ARHGAP25: variants seen among roughly 807,000 people sequenced by gnomAD.
ARHGAP25 encodes rho GTPase-activating protein 25.
In ARHGAP25, 34 loss-of-function variants were observed where a neutral mutation model predicts 71.0. The observed-to-expected ratio is 0.48, with a 90% CI of 0.36 to 0.64. ARHGAP25 has a LOEUF of 0.64. Among genes scored for constraint, ARHGAP25 ranks in the 30% least tolerant of loss-of-function variants. The pLI, the probability that ARHGAP25 is intolerant of heterozygous loss-of-function variation, is 0.00. For missense variants in ARHGAP25, 706 were observed against 805.1 expected (o/e 0.88, Z 1.49); for synonymous variants, 282 against 296.5 (o/e 0.95, Z 0.50).
chr2:68,774,964 C>T (rs1169320683), intron 1 of ARHGAP25: 6 of 1,425,956 alleles, frequency 4.2e-6, no homozygotes, highest in Non-Finnish European at 4.6e-6. Flanking sequence ...GCCGCGGTGC[C>T]GGACTGCCTG....
chr2:68,777,414 G>T (rs969901941), intron 2 of ARHGAP25, among the ~76,000 whole-genome samples: 8 of 152,138 alleles, frequency 5.3e-5, no homozygotes, highest in Non-Finnish European at 1.0e-4. Flanking sequence ...TTTGTCACAG[G>T]ATCAAATGAT....
At chr2:68,791,026 G>T (rs1439089074) in intron 4 of ARHGAP25, among the ~76,000 whole-genome samples, 3 of 151,992 alleles carry the variant, frequency 2.0e-5, no homozygotes, top group East Asian at 1.9e-4. Context: ...TGTTTCCTTC[G>T]CTGGGAATCC....
At chr2:68,805,967 G>A (rs1396715851) in intron 4 of ARHGAP25, among the ~76,000 whole-genome samples, 7 of 152,230 alleles carry the variant, frequency 4.6e-5, no homozygotes, top group Non-Finnish European at 1.0e-4. Flanking sequence ...TGGATAGGCA[G>A]TGGTTGTCCT....
intron 2 of ARHGAP25, among the ~76,000 whole-genome samples, chr2:68,728,667 C>T (rs1051403208): frequency 1.3e-5 from 2 of 152,104 alleles, no homozygotes; most frequent in East Asian, 3.8e-4. Context: ...GAGGCTGAGG[C>T]AGGAGAATCA....
chr2:68,765,534 C>T (rs894001411), intron 1 of ARHGAP25, among the ~76,000 whole-genome samples: 5 of 152,134 alleles, frequency 3.3e-5, no homozygotes, highest in African/African-American at 1.2e-4. Flanking sequence ...TTTTATCTAT[C>T]CCTTTCTTTT....
intron 1 of ARHGAP25, among the ~76,000 whole-genome samples, chr2:68,740,879 G>T (rs1022992275): frequency 1.3e-5 from 2 of 152,190 alleles, no homozygotes; most frequent in Admixed American, 6.5e-5. Flanking sequence ...ATTGTCCATT[G>T]ACTCTTCTTG....
intron 1 of ARHGAP25, among the ~76,000 whole-genome samples, chr2:68,736,855 C>T (rs1675248280): frequency 6.6e-6 from 1 of 152,140 alleles, no homozygotes; most frequent in African/African-American, 2.4e-5. Context: ...GCACCCCCCA[C>T]TTTCATCCTC....
intron 8 of ARHGAP25, among the ~76,000 whole-genome samples, chr2:68,818,614 C>T (rs939316140): frequency 2.0e-5 from 3 of 152,218 alleles, no homozygotes; most frequent in African/African-American, 4.8e-5. Context: ...AGGCGTGAGC[C>T]GCTGTGCCCA....
intron 1 of ARHGAP25, among the ~76,000 whole-genome samples, chr2:68,738,085 A>G (rs115755982): frequency 0.012 from 1,868 of 152,326 alleles, 38 homozygotes; most frequent in African/African-American, 0.043. Context: ...AGAAAAAGGA[A>G]AATGCAGAAC....
At chr2:68,799,216 C>G (rs1398657069) in intron 4 of ARHGAP25, among the ~76,000 whole-genome samples, 1 of 152,094 alleles carries the variant, frequency 6.6e-6, no homozygotes, top group African/African-American at 2.4e-5. Flanking sequence ...TCCGTGATTC[C>G]TGGCCTATTA....
At chr2:68,775,136 C>G in intron 1 of ARHGAP25, 85 bp from the exon 2 acceptor site, 1 of 1,608,686 alleles carries the variant, frequency 6.2e-7, no homozygotes, top group Non-Finnish European at 8.5e-7. Context: ...TCAGCCCCCT[C>G]TGGGGTTCCT....
intron 1 of ARHGAP25, chr2:68,774,668 G>T: frequency 1.1e-6 from 1 of 887,186 alleles, no homozygotes. Flanking sequence ...AGTGGGGTCC[G>T]CTGGAGGGGG....
At chr2:68,717,863 C>G (rs755934850) in intron 2 of ARHGAP25, among the ~76,000 whole-genome samples, 5 of 152,138 alleles carry the variant, frequency 3.3e-5, no homozygotes, top group Non-Finnish European at 5.9e-5. Flanking sequence ...TTTATTCTTC[C>G]TTTCCAAAGC....
chr2:68,798,862 G>A lies in ARHGAP25; in HGVS notation c.467-8411G>A, dbSNP rs564760235. Among the ~76,000 whole-genome samples, 7 of 152,282 alleles carry A rather than the reference G, an allele frequency of 4.6e-5. No individual in the cohort carries two copies. In the South Asian group the frequency reaches 1.4e-3, roughly 32 times the overall value. ...GGAGTGAGGGGAGGGTAATAAAAGG[G>A]GAGATAGCTTTGTTAAGGATGTTGG... On this transcript the variant is annotated intron_variant, in intron 4 of 10. Transcript: ENST00000409202.
chr2:68,747,402 A>G (rs537808738), intron 1 of ARHGAP25, among the ~76,000 whole-genome samples: 141 of 152,280 alleles, frequency 9.3e-4, no homozygotes, highest in Non-Finnish European at 1.5e-3. Flanking sequence ...CAACATAGTG[A>G]CAGCAAAGCA....
Position 68,822,408 on chromosome 2 carries a change from C to T in ARHGAP25, c.1269C>T (p.Ser423=). 6.2e-7 allele frequency: 1 copy of T among 1,614,146 alleles called. No homozygotes were observed. Among genetic ancestry groups the T allele is most frequent in the Non-Finnish European group, 8.5e-7 (1 of 1,180,030 alleles). ...QPSDAFPEDS[S]KVPREKPGDW... ...GCGATGCGTTTCCGGAGGACAGCAGCAAAGTACCCAGGGAAAAGCCAGGAG... is the reference window on the plus strand; with the variant it reads ...GCGATGCGTTTCCGGAGGACAGCAGTAAAGTACCCAGGGAAAAGCCAGGAG... Residue 423 remains serine, a synonymous_variant, in exon 10 of 11, where the codon AGC becomes AGT. Coordinates refer to ENST00000409202, the MANE Select transcript of ARHGAP25 (RefSeq NM_001007231.3).
upstream of ARHGAP25, among the ~76,000 whole-genome samples, chr2:68,731,839 C>T (rs1675029490): frequency 6.6e-6 from 1 of 152,094 alleles, no homozygotes; most frequent in Non-Finnish European, 1.5e-5. Context: ...CTACACTTTC[C>T]CCAACATAGC....
At chr2:68,768,010 C>T (rs1201936258) in intron 1 of ARHGAP25, among the ~76,000 whole-genome samples, 1 of 152,210 alleles carries the variant, frequency 6.6e-6, no homozygotes, top group Non-Finnish European at 1.5e-5. Flanking sequence ...TGGATTCCAT[C>T]TCCAATGTGG....
chr2:68,783,224 ATTTTT>A (rs1185335108), intron 3 of ARHGAP25, among the ~76,000 whole-genome samples: 1 of 152,174 alleles, frequency 6.6e-6, no homozygotes, highest in Non-Finnish European at 1.5e-5. Context: ...CTGCCTTTTG[ATTTTT>A]TGTCTATAAA....
Sources: gnomAD v4.1 joint callset for allele counts (sites outside exome capture counted in the v4.1 genomes callset) on GRCh38, gnomAD v4.1.1 for gene constraint, MANE v1.5 for transcripts, NCBI Gene and HGNC (gene_info 2026-07-23, HGNC 2026-07-21) for gene names.